The following PDE7B variants were observed in gnomAD, a reference collection of about 807,000 sequenced individuals.
PDE7B encodes 3',5'-cyclic-AMP phosphodiesterase 7B.
Under a neutral mutation model 56.2 loss-of-function variants are expected in PDE7B, and 29 were observed. The observed-to-expected ratio is 0.52, with a 90% confidence interval of 0.38 to 0.70. The LOEUF is 0.70. Ranked by LOEUF, PDE7B falls within the 30% of genes least tolerant of loss-of-function variation. PDE7B has a pLI of 0.00. For missense variants in PDE7B, 490 were observed against 565.0 expected, an observed-to-expected ratio of 0.87 and a Z score of 1.35; for synonymous variants, 197 against 196.9, an observed-to-expected ratio of 1.00 and a Z score of 0.00.
intron 1 of PDE7B, among the ~76,000 whole-genome samples, chr6:135,894,336 G>A (rs2027517): frequency 0.66 from 100,951 of 151,934 alleles, 33,876 homozygotes; most frequent in African/African-American, 0.77. Flanking sequence ...GAATTTAAAT[G>A]TATATTTAAA....
At chr6:136,155,873 A>G in intron 8 of PDE7B, 115 bp downstream of exon 8, 1 of 1,120,702 alleles carries the variant, frequency 8.9e-7, no homozygotes, top group Non-Finnish European at 1.3e-6. Context: ...AGAAGTTCAA[A>G]GACGAATGAA....
intron 2 of PDE7B, among the ~76,000 whole-genome samples, chr6:136,054,075 C>G (rs916876799): frequency 2.0e-5 from 3 of 152,098 alleles, no homozygotes; most frequent in Admixed American, 1.3e-4. Context: ...TCCCATTTGT[C>G]AATTTTGGCT....
chr6:136,174,314 C>A (rs1449944281), intron 9 of PDE7B, among the ~76,000 whole-genome samples: 1 of 152,124 alleles, frequency 6.6e-6, no homozygotes, highest in Non-Finnish European at 1.5e-5. Context: ...CTAGTCTCAG[C>A]AAAAATAGAA....
At chr6:135,903,355 C>T (rs1305536454) in intron 1 of PDE7B, among the ~76,000 whole-genome samples, 1 of 152,172 alleles carries the variant, frequency 6.6e-6, no homozygotes, top group Non-Finnish European at 1.5e-5. Context: ...TTGGTAAAGG[C>T]TTGAGTTCTA....
chr6:136,156,342 G>A (rs755630110), intron 8 of PDE7B, among the ~76,000 whole-genome samples: 17 of 151,940 alleles, frequency 1.1e-4, no homozygotes, highest in East Asian at 9.6e-4. Flanking sequence ...GGCACGTGCC[G>A]CCACACCTGA....
intron 3 of PDE7B, among the ~76,000 whole-genome samples, chr6:136,110,461 T>A (rs1165948235): frequency 2.0e-5 from 3 of 152,184 alleles, no homozygotes; most frequent in African/African-American, 7.2e-5. Context: ...CGGCATCCCA[T>A]TTTGAAAGTC....
At chr6:135,920,162 C>T (rs1396997420) in intron 1 of PDE7B, among the ~76,000 whole-genome samples, 4 of 151,908 alleles carry the variant, frequency 2.6e-5, no homozygotes, top group Admixed American at 6.6e-5. Context: ...GAATATTTGT[C>T]GTGTCATCCA....
intron 1 of PDE7B, among the ~76,000 whole-genome samples, chr6:135,869,395 A>C (rs917357061): frequency 2.0e-5 from 3 of 152,168 alleles, no homozygotes; most frequent in Non-Finnish European, 4.4e-5. Flanking sequence ...TATATGGATA[A>C]AATTGTCCCC....
chr6:135,869,613 T>A (rs1775334865), intron 1 of PDE7B, among the ~76,000 whole-genome samples: 1 of 152,120 alleles, frequency 6.6e-6, no homozygotes, highest in African/African-American at 2.4e-5. Context: ...CTACATAGAC[T>A]AGTAGTTGTG....
At chr6:136,028,997 G>A (rs999078174) in intron 2 of PDE7B, among the ~76,000 whole-genome samples, 2 of 152,192 alleles carry the variant, frequency 1.3e-5, no homozygotes, top group African/African-American at 2.4e-5. Context: ...AAGTTTGAAT[G>A]TGTTTACAGG....
intron 2 of PDE7B, among the ~76,000 whole-genome samples, chr6:136,056,993 G>A (rs190272893): frequency 3.3e-5 from 5 of 152,214 alleles, no homozygotes; most frequent in Non-Finnish European, 7.4e-5. Flanking sequence ...GAGCTCTGGA[G>A]CCCAATGGCC....
chr6:135,932,847 C>G (rs764453352), intron 1 of PDE7B, among the ~76,000 whole-genome samples: 1 of 152,152 alleles, frequency 6.6e-6, no homozygotes, highest in Admixed American at 6.6e-5. Context: ...AGCAAAGCTT[C>G]CCTTTGATTG....
intron 1 of PDE7B, among the ~76,000 whole-genome samples, chr6:135,940,365 A>T (rs1774487751): frequency 6.6e-6 from 1 of 152,234 alleles, no homozygotes; most frequent in Admixed American, 6.5e-5. Flanking sequence ...ACTTCAGAGT[A>T]GGCTACAAAC....
intron 8 of PDE7B, among the ~76,000 whole-genome samples, chr6:136,164,374 A>G (rs750926064): frequency 4.6e-5 from 7 of 152,146 alleles, no homozygotes; most frequent in Non-Finnish European, 8.8e-5. Flanking sequence ...CTCCTGTCAC[A>G]TGTATGGATT....
intron 2 of PDE7B, among the ~76,000 whole-genome samples, chr6:136,029,250 A>T (rs903159175): frequency 6.6e-6 from 1 of 152,234 alleles, no homozygotes; most frequent in African/African-American, 2.4e-5. Context: ...GAAAAACACA[A>T]TTTAATAGTA....
chr6:136,144,925 G>GC (rs1778389550), intron 3 of PDE7B, among the ~76,000 whole-genome samples: 1 of 152,044 alleles, frequency 6.6e-6, no homozygotes, highest in Admixed American at 6.6e-5. Flanking sequence ...GGAAGATGAT[G>GC]CCCCCTCCAC....
rs931825441 is a variant in PDE7B at position 135,851,715 on chromosome 6, C to CT, written c.-283dup. 1 of 380,040 alleles carries CT rather than the reference C, an allele frequency of 2.6e-6. No individual in the cohort carries two copies. Among genetic ancestry groups the CT allele is most frequent in the Non-Finnish European group, 4.7e-6 (1 of 211,720 alleles). 23.5% of individuals were successfully genotyped at this position (380,040 alleles called of 1,614,324 possible). On this transcript the variant is annotated 5_prime_UTR_variant, in exon 1 of 13. Coordinates refer to ENST00000308191, the MANE Select transcript of PDE7B (RefSeq NM_018945.4). ...CCCAGCCAGTCAGTTGGTCTGGGCACTGCAGCAGGCTCGGCTCTGTCCCAG... is the reference window on the plus strand; with the variant it reads ...CCCAGCCAGTCAGTTGGTCTGGGCACTTGCAGCAGGCTCGGCTCTGTCCCAG...
chr6:135,971,009 G>T (rs1170771973), intron 2 of PDE7B, among the ~76,000 whole-genome samples: 1 of 152,134 alleles, frequency 6.6e-6, no homozygotes. Flanking sequence ...AGCAGAGCAG[G>T]TGGGGGTATG....
At chr6:136,018,036 G>T (rs1293436871) in intron 2 of PDE7B, among the ~76,000 whole-genome samples, 1 of 152,172 alleles carries the variant, frequency 6.6e-6, no homozygotes, top group African/African-American at 2.4e-5. Flanking sequence ...GGATAAGGTA[G>T]CCAGGGAAAA....
Sources: allele counts gnomAD v4.1 joint callset (sites outside exome capture counted in the v4.1 genomes callset), GRCh38; gene constraint gnomAD v4.1.1; transcripts MANE v1.5; gene names NCBI Gene and HGNC (gene_info 2026-07-23, HGNC 2026-07-21).